Variants in GALNTL6 observed in about 807,000 individuals in gnomAD.
GALNTL6 encodes polypeptide N-acetylgalactosaminyltransferase like 6.
In GALNTL6, 46 loss-of-function variants were observed where a neutral mutation model predicts 73.7. That is an observed-to-expected ratio of 0.62 (90% confidence interval 0.49 to 0.80). The LOEUF is 0.80. Ranked by LOEUF, GALNTL6 falls within the 30% of genes least tolerant of loss-of-function variation. The pLI, the probability that GALNTL6 is intolerant of heterozygous loss-of-function variation, is 0.00. For missense variants in GALNTL6, 604 were observed against 755.0 expected (o/e 0.80, Z 2.34); for synonymous variants, 259 against 263.7 (o/e 0.98, Z 0.17).
chr4:172,840,613 A>T (rs1743155805), intron 7 of GALNTL6, among the ~76,000 whole-genome samples: 1 of 152,268 alleles, frequency 6.6e-6, no homozygotes, highest in African/African-American at 2.4e-5. Context: ...AGGCAAAGAT[A>T]AATGAAAGCA....
At chr4:172,262,004 T>G (rs1738273451) in intron 3 of GALNTL6, among the ~76,000 whole-genome samples, 1 of 151,384 alleles carries the variant, frequency 6.6e-6, no homozygotes, top group African/African-American at 2.4e-5. Flanking sequence ...TTGATATAAT[T>G]GTTTTTATCA....
chr4:171,872,011 T>C (rs1190107479), intron 2 of GALNTL6, among the ~76,000 whole-genome samples: 3 of 152,132 alleles, frequency 2.0e-5, no homozygotes, highest in African/African-American at 7.2e-5. Flanking sequence ...ATAACTAGGT[T>C]AGCAAAACAG....
intron 5 of GALNTL6, among the ~76,000 whole-genome samples, chr4:172,597,741 C>G (rs148477171): frequency 6.6e-6 from 1 of 152,120 alleles, no homozygotes; most frequent in Non-Finnish European, 1.5e-5. Flanking sequence ...ACTTTGAAGA[C>G]TCCCAGCATA....
intron 3 of GALNTL6, among the ~76,000 whole-genome samples, chr4:172,257,879 T>G (rs767823342): frequency 6.6e-6 from 1 of 151,288 alleles, no homozygotes; most frequent in African/African-American, 2.4e-5. Flanking sequence ...GATTTCCTAA[T>G]AAGATCATGC....
chr4:172,036,046 T>C (rs1741920981), intron 2 of GALNTL6, among the ~76,000 whole-genome samples: 1 of 152,126 alleles, frequency 6.6e-6, no homozygotes, highest in South Asian at 2.1e-4. Context: ...CCCCAGACAT[T>C]TAATAATTGA....
intron 3 of GALNTL6, among the ~76,000 whole-genome samples, chr4:172,310,296 G>T (rs918631469): frequency 6.6e-6 from 1 of 151,632 alleles, no homozygotes; most frequent in Non-Finnish European, 1.5e-5. Context: ...AATATGACAG[G>T]GTCTTGTTCT....
At chr4:172,236,863 T>G (rs1737262287) in intron 3 of GALNTL6, among the ~76,000 whole-genome samples, 1 of 152,150 alleles carries the variant, frequency 6.6e-6, no homozygotes, top group Non-Finnish European at 1.5e-5. Context: ...ATCCTCAACC[T>G]CCTCCTACCC....
intron 2 of GALNTL6, among the ~76,000 whole-genome samples, chr4:172,024,412 C>A (rs1741493950): frequency 6.6e-6 from 1 of 151,678 alleles, no homozygotes; most frequent in Admixed American, 6.6e-5. Flanking sequence ...AGCATTTTTT[C>A]TATTATATTT....
At chr4:171,827,336 G>T (rs565408734) in intron 2 of GALNTL6, among the ~76,000 whole-genome samples, 2 of 152,218 alleles carry the variant, frequency 1.3e-5, no homozygotes, top group South Asian at 2.1e-4. Flanking sequence ...ACAGGAAAAA[G>T]GTAGAAGTTG....
intron 5 of GALNTL6, among the ~76,000 whole-genome samples, chr4:172,436,951 T>C (rs972808836): frequency 2.0e-5 from 3 of 151,794 alleles, no homozygotes; most frequent in Non-Finnish European, 2.9e-5. Context: ...ATATGCTTTT[T>C]AAAACTTTTT....
At chr4:172,101,249 A>G (rs982366060) in intron 2 of GALNTL6, among the ~76,000 whole-genome samples, 8 of 152,128 alleles carry the variant, frequency 5.3e-5, no homozygotes, top group Admixed American at 3.9e-4. Context: ...GGATCCAGGA[A>G]TCCTGCCTGG....
chr4:172,603,104 T>C (rs1738129999), intron 5 of GALNTL6, among the ~76,000 whole-genome samples: 1 of 152,168 alleles, frequency 6.6e-6, no homozygotes, highest in African/African-American at 2.4e-5. Flanking sequence ...GGATTGTTGA[T>C]GGCAAAGGGC....
intron 3 of GALNTL6, among the ~76,000 whole-genome samples, chr4:172,235,246 T>G (rs1308890230): frequency 6.6e-6 from 1 of 152,124 alleles, no homozygotes; most frequent in African/African-American, 2.4e-5. Flanking sequence ...TTCACTCTGT[T>G]GCCCAGGCTG....
intron 2 of GALNTL6, among the ~76,000 whole-genome samples, chr4:172,118,340 C>T (rs2110992350): frequency 6.6e-6 from 1 of 152,078 alleles, no homozygotes; most frequent in East Asian, 1.9e-4. Context: ...ATAGTATTAA[C>T]AAATAAAGCA....
chr4:172,295,215 A>T (rs6553621), intron 3 of GALNTL6, among the ~76,000 whole-genome samples: 143,678 of 152,054 alleles, frequency 0.94, 68,389 homozygotes, highest in East Asian at 1. Context: ...TGAGGTCAGG[A>T]GTTCAAGACC....
chr4:172,321,261 C>T (rs1003038964), intron 4 of GALNTL6, among the ~76,000 whole-genome samples: 2 of 152,034 alleles, frequency 1.3e-5, no homozygotes, highest in East Asian at 1.9e-4. Flanking sequence ...TTGGGGACTA[C>T]TCTAATCAGG....
chr4:172,255,629 C>T (rs1433317979), intron 3 of GALNTL6, among the ~76,000 whole-genome samples: 2 of 151,200 alleles, frequency 1.3e-5, no homozygotes, highest in African/African-American at 4.8e-5. Flanking sequence ...TATGTATATT[C>T]ATATACATAG....
intron 2 of GALNTL6, among the ~76,000 whole-genome samples, chr4:172,178,548 C>T (rs569451011): frequency 9.3e-4 from 141 of 151,982 alleles, no homozygotes; most frequent in African/African-American, 3.2e-3. Context: ...TGTTTGTTTG[C>T]TGAGAATGAT....
In GALNTL6 at chr4:172,255,455, C is replaced by A. The variant is rs115540616; in HGVS notation, c.247+25691C>A. Among the ~76,000 whole-genome samples the A allele has an allele frequency of 4.6e-3, 690 of 151,494 alleles. 8 individuals are homozygous for A. The highest frequency in any genetic ancestry group is 0.016 in the African/African-American group (652 of 41,460). On this transcript the variant is annotated intron_variant, in intron 3 of 12. Coordinates refer to ENST00000506823, the MANE Select transcript of GALNTL6 (RefSeq NM_001034845.3). ...TGTTTTTGACTATGGGAAATCAGTG[C>A]CCCTGACTTGCAAATATACCACAAG... is the stretch of plus-strand genomic sequence containing the variant.
Sources: allele counts gnomAD v4.1 joint callset (sites outside exome capture counted in the v4.1 genomes callset), GRCh38; gene constraint gnomAD v4.1.1; transcripts MANE v1.5; gene names NCBI Gene and HGNC (gene_info 2026-07-23, HGNC 2026-07-21).